The following SDR42E1 variants were observed in gnomAD, a reference collection of about 807,000 sequenced individuals.
SDR42E1 encodes the protein short chain dehydrogenase/reductase family 42E, member 1.
In SDR42E1, 5 loss-of-function variants were observed where a neutral mutation model predicts 2.6. That is an observed-to-expected ratio of 1.94 (90% CI 1.01 to 4.08). The LOEUF is 4.08. Among genes scored for constraint, SDR42E1 ranks in the 30% most tolerant of loss-of-function variants. The pLI is 0.00. For synonymous variants in SDR42E1, 231 were observed against 188.3 expected, an observed-to-expected ratio of 1.23 and a Z score of -1.86; for missense variants, 596 against 478.6, an observed-to-expected ratio of 1.25 and a Z score of -2.29.
rs1912455907 is a variant in SDR42E1 at position 81,992,751 on chromosome 16, T to C, written c.*6360A>G. 1 of 152,126 alleles carries C rather than the reference T, an allele frequency of 6.6e-6. No individual in the cohort carries two copies. The highest frequency in any genetic ancestry group is 6.5e-5 in the Admixed American group (1 of 15,274). The allele number at this position is 152,126 out of a possible 1,614,324, so 9.4% of individuals were successfully genotyped here. Reference sequence around the variant, plus strand: ...CTGGATCACTTTGCTACATGCAATTTCTTTGTAGTGAACTAGATTTGGCCT... The same window carrying C: ...CTGGATCACTTTGCTACATGCAATTCCTTTGTAGTGAACTAGATTTGGCCT... On this transcript the variant is annotated 3_prime_UTR_variant, in exon 3 of 3. Transcript: ENST00000328945.
In SDR42E1 at chr16:81,992,244, G is replaced by C. The variant is rs1285617104; in HGVS notation, c.*6867C>G. 3 of 152,272 alleles carry C rather than the reference G, an allele frequency of 2.0e-5. No individual in the cohort carries two copies. The highest frequency in any genetic ancestry group is 2.0e-4 in the Admixed American group (3 of 15,300). 9.4% of individuals were successfully genotyped at this position (152,272 alleles called of 1,614,324 possible). On this transcript the variant is annotated 3_prime_UTR_variant, in exon 3 of 3. Transcript: ENST00000328945. Reference sequence around the variant, plus strand: ...TTAACTATTAACAATGTTCATCTTTGAGTAATTTAGTTAACTAGGGTGACA... The same window carrying C: ...TTAACTATTAACAATGTTCATCTTTCAGTAATTTAGTTAACTAGGGTGACA...
rs553608183 is a variant in SDR42E1, at chr16:81,993,334, G to A, written c.*5777C>T. 6 of 152,308 alleles carry A rather than the reference G, an allele frequency of 3.9e-5. No homozygotes were observed. The South Asian group carries it at 6.2e-4, about 16-fold the overall frequency. The allele number at this position is 152,308 out of a possible 1,614,324, so 9.4% of individuals were successfully genotyped here. ...CTTGTTGAAAGATAAGAAACACCTA[G>A]AGTGCAGATTACCAACCAACACAGA... On this transcript the variant is annotated 3_prime_UTR_variant, in exon 3 of 3. Transcript: ENST00000328945.
rs1271232380 is a variant in SDR42E1, at chr16:81,997,566, A to G, written c.*1545T>C. The G allele has an allele frequency of 6.6e-6, 1 of 152,204 alleles. No individual in the cohort carries two copies. Among genetic ancestry groups the G allele is most frequent in the African/African-American group, 2.4e-5 (1 of 41,446 alleles). The allele number at this position is 152,204 out of a possible 1,614,324, so 9.4% of individuals were successfully genotyped here. ...ACATGGCAGGTGCTCATATGCGTTA[A>G]CCCCAGGCTAATGCAAAAGCTTCTT... On this transcript the variant is annotated 3_prime_UTR_variant, in exon 3 of 3. Coordinates refer to ENST00000328945, the MANE Select transcript of SDR42E1 (RefSeq NM_145168.3).
At position 81,998,655 on chromosome 16, in the gene SDR42E1, G is replaced by C. The variant is rs556376074; in HGVS notation, c.*456C>G. The C allele has an allele frequency of 2.4e-5, 4 of 166,568 alleles. No individual in the cohort carries two copies. In the East Asian group the frequency reaches 7.1e-4, roughly 30 times the overall value. The allele number at this position is 166,568 out of a possible 1,614,324, so 10.3% of individuals were successfully genotyped here. Reference sequence around the variant, plus strand: ...CCAGCAATAGCCACCATCCCCTCGAGGATTGCTCTGTTAGGGATCTGGGCC... The same window carrying C: ...CCAGCAATAGCCACCATCCCCTCGACGATTGCTCTGTTAGGGATCTGGGCC... On this transcript the variant is annotated 3_prime_UTR_variant, in exon 3 of 3. Coordinates refer to ENST00000328945, the MANE Select transcript of SDR42E1 (RefSeq NM_145168.3).
At chr16:82,003,289 G>C (rs931162462) in intron 1 of SDR42E1, among the ~76,000 whole-genome samples, 1 of 152,242 alleles carries the variant, frequency 6.6e-6, no homozygotes, top group African/African-American at 2.4e-5. Context: ...CAGTGACCTT[G>C]TGATTCTATT....
At chr16:82,009,451 T>C (rs1342010311) in intron 1 of SDR42E1, among the ~76,000 whole-genome samples, 1 of 152,224 alleles carries the variant, frequency 6.6e-6, no homozygotes, top group Non-Finnish European at 1.5e-5. Flanking sequence ...ACCTCTTGCA[T>C]CAGTATGACC....
rs1912561869 is a variant in SDR42E1 at position 81,997,202 on chromosome 16, C to G, written c.*1909G>C. 6.6e-6 allele frequency: 1 copy of G among 152,144 alleles called. No individual in the cohort carries two copies. The highest frequency in any genetic ancestry group is 2.4e-5 in the African/African-American group (1 of 41,408). The allele number at this position is 152,144 out of a possible 1,614,324, so 9.4% of individuals were successfully genotyped here. On this transcript the variant is annotated 3_prime_UTR_variant, in exon 3 of 3. Transcript: ENST00000328945. ...GATATAGTGCAAAATGTTAACACAG[C>G]CGTTGGGCCCCTAAAATCCTTCTGG...
Position 82,009,491 on chromosome 16 carries a change from C to T in SDR42E1, c.-27+1896G>A, listed in dbSNP as rs763999853. Among the ~76,000 whole-genome samples the T allele has an allele frequency of 2.0e-5, 3 of 152,240 alleles. No homozygotes were observed. The South Asian group carries it at 6.2e-4, about 32-fold the overall frequency. On this transcript the variant is annotated intron_variant, in intron 1 of 2. Coordinates refer to ENST00000328945, the MANE Select transcript of SDR42E1 (RefSeq NM_145168.3). ...TATGGGACACGGAGTCAAAGGAGGT[C>T]ATTTTGGAGTTTCAAGATGTGACTG...
intron 1 of SDR42E1, among the ~76,000 whole-genome samples, chr16:82,009,385 T>G (rs185645760): frequency 2.0e-5 from 3 of 152,280 alleles, no homozygotes; most frequent in African/African-American, 7.2e-5. Context: ...CAGCCAAAAG[T>G]GGGGCTGTAC....
Position 81,991,954 on chromosome 16 carries a change from G to C in SDR42E1, c.*7157C>G, listed in dbSNP as rs1912437447. 1 of 152,122 alleles carries C rather than the reference G, an allele frequency of 6.6e-6. No homozygotes were observed. Among genetic ancestry groups the C allele is most frequent in the Non-Finnish European group, 1.5e-5 (1 of 68,042 alleles). 9.4% of individuals were successfully genotyped at this position (152,122 alleles called of 1,614,324 possible). ...GGATCACCTGAAGTCAGGAGTTTGA[G>C]ACCAGCCTGGCCAACATGGCGAAAC... On this transcript the variant is annotated 3_prime_UTR_variant, in exon 3 of 3. Transcript: ENST00000328945.
In SDR42E1 at chr16:81,994,336, C is replaced by A. The variant is rs961665203; in HGVS notation, c.*4775G>T. The A allele has an allele frequency of 9.9e-5, 15 of 152,222 alleles. No homozygotes were observed. Among genetic ancestry groups the A allele is most frequent in the African/African-American group, 3.6e-4 (15 of 41,424 alleles). The allele number at this position is 152,222 out of a possible 1,614,324, so 9.4% of individuals were successfully genotyped here. A position where few individuals can be genotyped will look rare whatever the true frequency, so the allele number is the denominator to read the frequency against. ...AGGAGGACCCTGAAGAGGAGCTGCA[C>A]CAAGCGCCTGTCCTCCCCAGAGAAG... On this transcript the variant is annotated 3_prime_UTR_variant, in exon 3 of 3. Coordinates refer to ENST00000328945, the MANE Select transcript of SDR42E1 (RefSeq NM_145168.3).
chr16:81,991,853 G>C lies in SDR42E1; in HGVS notation c.*7258C>G, dbSNP rs944363752. The C allele has an allele frequency of 6.6e-6, 1 of 152,084 alleles. No homozygotes were observed. The highest frequency in any genetic ancestry group is 2.4e-5 in the African/African-American group (1 of 41,386). The allele number at this position is 152,084 out of a possible 1,614,324, so 9.4% of individuals were successfully genotyped here. A position where few individuals can be genotyped will look rare whatever the true frequency, so the allele number is the denominator to read the frequency against. ...CCTCAGTTTCCTCCCATGTAAACTG[G>C]AGATAATAAATTGATCTGTTTCTTA... On this transcript the variant is annotated 3_prime_UTR_variant, in exon 3 of 3. Transcript: ENST00000328945.
rs529453426 is a variant in SDR42E1 at position 81,995,453 on chromosome 16, G to A, written c.*3658C>T. Reference sequence around the variant, plus strand: ...AATAGACTAAGTCTTTTAAAGTGGTGAGTTTTCAGCTGAGATGTGGAGGGA... The same window carrying A: ...AATAGACTAAGTCTTTTAAAGTGGTAAGTTTTCAGCTGAGATGTGGAGGGA... On this transcript the variant is annotated 3_prime_UTR_variant, in exon 3 of 3. Transcript: ENST00000328945. 6.6e-6 allele frequency: 1 copy of A among 152,198 alleles called. No homozygotes were observed. Among genetic ancestry groups the A allele is most frequent in the Non-Finnish European group, 1.5e-5 (1 of 68,042 alleles). 9.4% of individuals were successfully genotyped at this position (152,198 alleles called of 1,614,324 possible).
Position 81,993,408 on chromosome 16 carries a change from G to A in SDR42E1, c.*5703C>T, listed in dbSNP as rs940310673. 3 of 152,120 alleles carry A rather than the reference G, an allele frequency of 2.0e-5. No individual in the cohort carries two copies. The highest frequency in any genetic ancestry group is 7.2e-5 in the African/African-American group (3 of 41,412). The allele number at this position is 152,120 out of a possible 1,614,324, so 9.4% of individuals were successfully genotyped here. The stretch of plus-strand genomic sequence containing the variant: ...GAAGAGTCTGGAGTCTGTATATCGA[G>A]GTAAAATAGATGTAAGGAGTTCCTG... On this transcript the variant is annotated 3_prime_UTR_variant, in exon 3 of 3. Transcript: ENST00000328945.
chr16:82,009,743 T>C lies in SDR42E1; in HGVS notation c.-27+1644A>G, dbSNP rs545761123. ...TTAATGCTAAAATGAGTTAAGACTTTGTGGGACTGTTGGGAAGGCATGATT... is the reference window on the plus strand; with the variant it reads ...TTAATGCTAAAATGAGTTAAGACTTCGTGGGACTGTTGGGAAGGCATGATT... On this transcript the variant is annotated intron_variant, in intron 1 of 2. Coordinates refer to ENST00000328945, the MANE Select transcript of SDR42E1 (RefSeq NM_145168.3). Among the ~76,000 whole-genome samples the C allele has an allele frequency of 3.3e-5, 5 of 152,342 alleles. No individual in the cohort carries two copies. In the East Asian group the frequency reaches 9.6e-4, roughly 29 times the overall value.
intron 1 of SDR42E1, among the ~76,000 whole-genome samples, chr16:82,006,339 T>C (rs1002910130): frequency 6.6e-6 from 1 of 152,256 alleles, no homozygotes; most frequent in Non-Finnish European, 1.5e-5. Flanking sequence ...AATATATTCA[T>C]GCTAGAGGGC....
At chr16:82,003,914 C>T (rs1446341460) in intron 1 of SDR42E1, among the ~76,000 whole-genome samples, 1 of 152,058 alleles carries the variant, frequency 6.6e-6, no homozygotes, top group Non-Finnish European at 1.5e-5. Flanking sequence ...AAAATATATC[C>T]AATTCAGTAA....
intron 1 of SDR42E1, among the ~76,000 whole-genome samples, chr16:82,006,041 G>A (rs546608893): frequency 2.6e-5 from 4 of 152,174 alleles, no homozygotes; most frequent in East Asian, 1.9e-4. Flanking sequence ...CTTTGATTAC[G>A]CACACCGTTC....
rs1053685505 is a variant in SDR42E1 at position 81,995,644 on chromosome 16, C to G, written c.*3467G>C. ...TAGGTTGGCTATTTTCCCCAGTCTCCAAAAGATTAGAAACAGTGAGTTATC... is the reference window on the plus strand; with the variant it reads ...TAGGTTGGCTATTTTCCCCAGTCTCGAAAAGATTAGAAACAGTGAGTTATC... On this transcript the variant is annotated 3_prime_UTR_variant, in exon 3 of 3. Coordinates refer to ENST00000328945, the MANE Select transcript of SDR42E1 (RefSeq NM_145168.3). 3 of 152,154 alleles carry G rather than the reference C, an allele frequency of 2.0e-5. No homozygotes were observed. Among genetic ancestry groups the G allele is most frequent in the African/African-American group, 7.2e-5 (3 of 41,434 alleles). 9.4% of individuals were successfully genotyped at this position (152,154 alleles called of 1,614,324 possible). A position where few individuals can be genotyped will look rare whatever the true frequency, so the allele number is the denominator to read the frequency against.
Sources: allele counts gnomAD v4.1 joint callset (sites outside exome capture counted in the v4.1 genomes callset), GRCh38; gene constraint gnomAD v4.1.1; transcripts MANE v1.5; gene names NCBI Gene and HGNC (gene_info 2026-07-23, HGNC 2026-07-21).